Variants in PDE11A observed in about 807,000 individuals in gnomAD.
The protein encoded by PDE11A is dual 3',5'-cyclic-AMP and -GMP phosphodiesterase 11A.
Under a neutral mutation model 100.5 loss-of-function variants are expected in PDE11A, and 100 were observed. That is an observed-to-expected ratio of 1.00 (90% CI 0.85 to 1.18). The LOEUF (loss-of-function observed/expected upper bound fraction) is 1.18. PDE11A is among the 50% of genes most tolerant of loss of function. The pLI, the probability that PDE11A is intolerant of heterozygous loss-of-function variation, is 0.00. For synonymous variants in PDE11A, 381 were observed against 420.8 expected (o/e 0.91, Z 1.16); for missense variants, 1,141 against 1,152.6 (o/e 0.99, Z 0.15).
chr2:177,902,517 C>T (rs1363548327), intron 3 of PDE11A, among the ~76,000 whole-genome samples: 1 of 152,234 alleles, frequency 6.6e-6, no homozygotes, highest in Non-Finnish European at 1.5e-5. Flanking sequence ...CTTGATGTCA[C>T]TTGCCTTCCA....
At chr2:178,016,268 C>G (rs1489706272) in intron 1 of PDE11A, among the ~76,000 whole-genome samples, 1 of 151,260 alleles carries the variant, frequency 6.6e-6, no homozygotes, top group Non-Finnish European at 1.5e-5. Flanking sequence ...CAGGCGTGAC[C>G]CACAGTGCCC....
At chr2:177,923,430 T>A (rs1026131009) in intron 2 of PDE11A, among the ~76,000 whole-genome samples, 3 of 152,006 alleles carry the variant, frequency 2.0e-5, no homozygotes, top group African/African-American at 7.2e-5. Context: ...CTAGCTTCAG[T>A]AAGTGATGAA....
chr2:177,991,189 G>A (rs1311508476), intron 2 of PDE11A, among the ~76,000 whole-genome samples: 1 of 150,398 alleles, frequency 6.6e-6, no homozygotes, highest in African/African-American at 2.5e-5. Context: ...GCTGGGTGTG[G>A]TGGTACTCAC....
chr2:177,817,774 T>C (rs1462747833), intron 8 of PDE11A, 84 bp downstream of exon 8: 46 of 728,650 alleles, frequency 6.3e-5, no homozygotes, highest in South Asian at 1.5e-4. Flanking sequence ...AATTGACTAA[T>C]AATTGTTTGT....
At position 177,898,109 on chromosome 2, in the gene PDE11A, CAG is replaced by C; in HGVS notation, c.1249_1250del (p.Leu417AlafsTer4). The C allele has an allele frequency of 2.5e-6, 4 of 1,612,596 alleles. No homozygotes were observed. The highest frequency in any genetic ancestry group is 1.1e-5 in the South Asian group (1 of 91,034). Reference protein sequence around the residue: ...VKKIMHRAQTLLKCERCSVLL... With the variant: ...VKKIMHRAQTXLKCERCSVLL... ...AAACAGAACAGCGTTCACATTTCAG[CAG>C]AGTTTGGGCCCGATGCATTATTTTC... On this transcript the variant is annotated frameshift_variant, in exon 4 of 20. Transcript: ENST00000286063. LOFTEE classifies it high-confidence loss of function.
At chr2:177,670,924 C>T (rs2080669714) in intron 17 of PDE11A, among the ~76,000 whole-genome samples, 1 of 152,184 alleles carries the variant, frequency 6.6e-6, no homozygotes. Flanking sequence ...CCCTTCACCC[C>T]AGCCTCTTGT....
At chr2:177,876,278 A>AGATGAGGCACAAGCCTT (rs1344685530) in intron 4 of PDE11A, among the ~76,000 whole-genome samples, 1 of 150,424 alleles carries the variant, frequency 6.6e-6, no homozygotes, top group Non-Finnish European at 1.5e-5. Context: ...TAAGAGACCC[A>AGATGAGGCACAAGCCTT]GGTAGGGACA....
upstream of PDE11A, among the ~76,000 whole-genome samples, chr2:178,076,573 T>A (rs555440068): frequency 2.6e-5 from 4 of 152,286 alleles, no homozygotes; most frequent in South Asian, 8.3e-4. Flanking sequence ...CATCTCACAA[T>A]TTGGTATTAA....
chr2:177,914,067 G>A lies in PDE11A; in HGVS notation c.1072-8880C>T, dbSNP rs180841924. Among the ~76,000 whole-genome samples the A allele has an allele frequency of 3.4e-3, 519 of 152,122 alleles. 5 individuals carry two copies. The highest frequency in any genetic ancestry group is 5.3e-3 in the Non-Finnish European group (361 of 67,970). Reference sequence around the variant, plus strand: ...CATTCTTTTAAAATCTTGTCTATCCGACAGATAAAATCAGTACTCATTTTT... The same window carrying A: ...CATTCTTTTAAAATCTTGTCTATCCAACAGATAAAATCAGTACTCATTTTT... On this transcript the variant is annotated intron_variant, in intron 2 of 19. Transcript: ENST00000286063.
At chr2:177,791,049 A>G (rs1276510701) in intron 9 of PDE11A, among the ~76,000 whole-genome samples, 1 of 152,230 alleles carries the variant, frequency 6.6e-6, no homozygotes, top group East Asian at 1.9e-4. Context: ...ATATACCCCA[A>G]GGACTATAAA....
intron 6 of PDE11A, among the ~76,000 whole-genome samples, chr2:177,838,440 T>A (rs944070043): frequency 1.3e-5 from 2 of 152,232 alleles, no homozygotes; most frequent in Non-Finnish European, 2.9e-5. Context: ...AATATTTTTT[T>A]AAAAGAAAGA....
At chr2:177,911,636 C>A (rs1235824300) in intron 2 of PDE11A, among the ~76,000 whole-genome samples, 1 of 152,150 alleles carries the variant, frequency 6.6e-6, no homozygotes, top group Non-Finnish European at 1.5e-5. Context: ...GTAATCCTAG[C>A]ACTTTGGGAG....
chr2:177,728,571 G>A (rs559727612), intron 10 of PDE11A, among the ~76,000 whole-genome samples: 30 of 152,266 alleles, frequency 2.0e-4, no homozygotes, highest in Non-Finnish European at 3.8e-4. Context: ...TGCTATTCAG[G>A]AGAAGGAGAA....
At chr2:177,755,419 T>C (rs1299829609) in intron 10 of PDE11A, among the ~76,000 whole-genome samples, 1 of 152,212 alleles carries the variant, frequency 6.6e-6, no homozygotes, top group Non-Finnish European at 1.5e-5. Context: ...GCATCTTGCC[T>C]GTATCCCAGG....
chr2:177,735,416 A>C (rs953856924), intron 10 of PDE11A, among the ~76,000 whole-genome samples: 2 of 151,910 alleles, frequency 1.3e-5, no homozygotes, highest in African/African-American at 4.8e-5. Context: ...AAAAAACCCC[A>C]AAAAACCAGA....
chr2:177,634,390 C>CTTTTTTT (rs776055378), intron 19 of PDE11A, among the ~76,000 whole-genome samples: 103 of 146,412 alleles, frequency 7.0e-4, no homozygotes, highest in African/African-American at 2.5e-3. Flanking sequence ...TTCTCTCTCT[C>CTTTTTTT]TTTTTTTTTT....
intron 2 of PDE11A, among the ~76,000 whole-genome samples, chr2:177,991,604 C>T (rs1320071986): frequency 6.6e-6 from 1 of 151,100 alleles, no homozygotes; most frequent in East Asian, 1.9e-4. Context: ...CACTGCACTC[C>T]AGCCTGGGCA....
At chr2:177,631,571 A>ATG (rs1559117487) in intron 19 of PDE11A, among the ~76,000 whole-genome samples, 1 of 41,972 alleles carries the variant, frequency 2.4e-5, no homozygotes, top group African/African-American at 1.1e-4. Flanking sequence ...ATATATATAC[A>ATG]TGTATATATA....
intron 1 of PDE11A, among the ~76,000 whole-genome samples, chr2:178,105,117 T>C (rs778647957): frequency 2.4e-4 from 37 of 152,210 alleles, no homozygotes; most frequent in Non-Finnish European, 4.1e-4. Flanking sequence ...CAGTCAGCAA[T>C]AGTATGCATT....
Sources: allele counts gnomAD v4.1 joint callset (sites outside exome capture counted in the v4.1 genomes callset), GRCh38; gene constraint gnomAD v4.1.1; transcripts MANE v1.5; gene names NCBI Gene and HGNC (gene_info 2026-07-23, HGNC 2026-07-21).